GPC5: variants seen among roughly 807,000 people sequenced by gnomAD.
GPC5 encodes glypican-5.
In GPC5, 47 loss-of-function variants were observed where a neutral mutation model predicts 53.9. That is an observed-to-expected ratio of 0.87 (90% CI 0.69 to 1.11). The LOEUF (loss-of-function observed/expected upper bound fraction) is 1.11. Among genes scored for constraint, GPC5 ranks in the 50% most tolerant of loss-of-function variants. The pLI, the probability that GPC5 is intolerant of heterozygous loss-of-function variation, is 0.00. For missense variants in GPC5, 748 were observed against 713.1 expected, an observed-to-expected ratio of 1.05 and a Z score of -0.56; for synonymous variants, 286 against 263.3, an observed-to-expected ratio of 1.09 and a Z score of -0.84.
intron 7 of GPC5, among the ~76,000 whole-genome samples, chr13:92,213,813 G>T (rs2042391740): frequency 1.3e-5 from 2 of 152,106 alleles, no homozygotes; most frequent in Admixed American, 1.3e-4. Context: ...AGATAGATCT[G>T]ACTATATCTC....
chr13:91,467,695 C>A (rs58299899), intron 2 of GPC5, among the ~76,000 whole-genome samples: 97 of 152,170 alleles, frequency 6.4e-4, no homozygotes, highest in African/African-American at 2.3e-3. Flanking sequence ...TTTTAAAAAA[C>A]AATGCTACAT....
chr13:91,832,346 T>G (rs973538617), intron 5 of GPC5, among the ~76,000 whole-genome samples: 3 of 146,982 alleles, frequency 2.0e-5, no homozygotes, highest in Admixed American at 6.9e-5. Context: ...TAAATATTCC[T>G]CCGTCCCTTT....
intron 6 of GPC5, among the ~76,000 whole-genome samples, chr13:92,025,347 A>C (rs1170345254): frequency 6.6e-6 from 1 of 152,136 alleles, no homozygotes; most frequent in African/African-American, 2.4e-5. Context: ...CTCTCCCCCA[A>C]AACACTTCTG....
intron 7 of GPC5, among the ~76,000 whole-genome samples, chr13:92,464,103 A>G (rs1273795573): frequency 6.6e-6 from 1 of 152,218 alleles, no homozygotes; most frequent in East Asian, 1.9e-4. Flanking sequence ...ATGAGACTTA[A>G]GAAGGTTAAA....
At position 91,693,396 on chromosome 13, in the gene GPC5, A is replaced by C. The variant is rs1490715428; in HGVS notation, c.535A>C (p.Ile179Leu). Residue 179 changes from isoleucine to leucine, a missense_variant, in exon 3 of 8, where the codon ATT (isoleucine) becomes CTT (leucine). Physicochemically the swap from Ile to Leu is conservative, Grantham distance 5. Transcript: ENST00000377067. ...TTTTCCTCTGGTCTACAACCACCTC[A>C]TTAACCCTGGTGTGACTGACAGTTC... ...SLFPLVYNHL[I>L]NPGVTDSSLE... The C allele has an allele frequency of 6.2e-7, 1 of 1,614,100 alleles. No individual in the cohort carries two copies. The highest frequency in any genetic ancestry group is 8.5e-7 in the Non-Finnish European group (1 of 1,179,998).
rs917013002 is a variant in GPC5 at position 92,851,812 on chromosome 13, C to T, written c.1562-14470C>T. Among the ~76,000 whole-genome samples the T allele has an allele frequency of 5.4e-5, 8 of 148,074 alleles. No homozygotes were observed. In the East Asian group the frequency reaches 6.0e-4, roughly 11 times the overall value. ...GCTGAGGCAGGAGAATGGCGTGAAC[C>T]GGAAGGCAGAGCTTGCAGTGAGCCA... On this transcript the variant is annotated intron_variant, in intron 7 of 7. Coordinates refer to ENST00000377067, the MANE Select transcript of GPC5 (RefSeq NM_004466.6).
At chr13:92,665,002 T>C (rs977029569) in intron 7 of GPC5, among the ~76,000 whole-genome samples, 7 of 151,936 alleles carry the variant, frequency 4.6e-5, no homozygotes, top group Admixed American at 4.6e-4. Flanking sequence ...GATCAATAAA[T>C]ATTGTGTTAC....
intron 7 of GPC5, among the ~76,000 whole-genome samples, chr13:92,362,202 G>A (rs905832765): frequency 6.6e-5 from 10 of 151,492 alleles, no homozygotes; most frequent in Non-Finnish European, 1.5e-4. Context: ...TGTTTGTTGA[G>A]TTTGTGCATC....
At chr13:92,803,775 A>T (rs1876994094) in intron 7 of GPC5, among the ~76,000 whole-genome samples, 1 of 151,994 alleles carries the variant, frequency 6.6e-6, no homozygotes, top group African/African-American at 2.4e-5. Context: ...TCTCAAATTG[A>T]TAAGCGGATG....
chr13:92,584,596 G>A (rs1883475540), intron 7 of GPC5, among the ~76,000 whole-genome samples: 1 of 152,172 alleles, frequency 6.6e-6, no homozygotes, highest in Non-Finnish European at 1.5e-5. Flanking sequence ...ATTTTCTGAA[G>A]AGAAATTGAA....
rs139172978 is a variant in GPC5 at position 92,361,359 on chromosome 13, G to A, written c.1561+216370G>A. On this transcript the variant is annotated intron_variant, in intron 7 of 7. Transcript: ENST00000377067. ...TTCTATTGCTGTCTTACCTGGACCCGGTCATTTAGCTTGTCACTGACTTGG... is the reference window on the plus strand; with the variant it reads ...TTCTATTGCTGTCTTACCTGGACCCAGTCATTTAGCTTGTCACTGACTTGG... Among the ~76,000 whole-genome samples the A allele has an allele frequency of 9.2e-5, 14 of 151,636 alleles. No homozygotes were observed. The East Asian group carries it at 1.4e-3, about 15-fold the overall frequency.
At chr13:92,023,313 T>C (rs1444957192) in intron 6 of GPC5, among the ~76,000 whole-genome samples, 1 of 152,030 alleles carries the variant, frequency 6.6e-6, no homozygotes, top group Non-Finnish European at 1.5e-5. Flanking sequence ...AAAAGGATCC[T>C]AAAAATAATT....
At chr13:92,324,929 TA>T (rs2043240332) in intron 7 of GPC5, among the ~76,000 whole-genome samples, 1 of 151,932 alleles carries the variant, frequency 6.6e-6, no homozygotes, top group South Asian at 2.1e-4. Flanking sequence ...CTTAATATTC[TA>T]TAAAACAAAT....
chr13:92,608,382 C>T (rs1347130791), intron 7 of GPC5, among the ~76,000 whole-genome samples: 1 of 152,158 alleles, frequency 6.6e-6, no homozygotes, highest in Non-Finnish European at 1.5e-5. Context: ...GCTACTTCTT[C>T]CTCCACCCAT....
chr13:92,592,498 T>C (rs893112496), intron 7 of GPC5, among the ~76,000 whole-genome samples: 1 of 151,022 alleles, frequency 6.6e-6, no homozygotes, highest in Non-Finnish European at 1.5e-5. Flanking sequence ...GGGGATGGAG[T>C]GGTAAGGACC....
chr13:91,744,041 A>C (rs1481244398), intron 4 of GPC5, among the ~76,000 whole-genome samples: 1 of 1,384 alleles, frequency 7.2e-4, no homozygotes, highest in Non-Finnish European at 1.5e-3. Context: ...TATAAGGAAC[A>C]CTAACTTTGG....
intron 5 of GPC5, among the ~76,000 whole-genome samples, chr13:91,818,580 A>G (rs2038436526): frequency 6.6e-6 from 1 of 152,182 alleles, no homozygotes; most frequent in Non-Finnish European, 1.5e-5. Flanking sequence ...AAATAATAAA[A>G]TGCTGGGTCT....
chr13:92,814,338 A>C (rs1398838358), intron 7 of GPC5, among the ~76,000 whole-genome samples: 3 of 151,888 alleles, frequency 2.0e-5, no homozygotes, highest in Non-Finnish European at 4.4e-5. Flanking sequence ...AACAATAAAC[A>C]AACACCAAAA....
At chr13:92,369,384 G>A (rs2043632473) in intron 7 of GPC5, among the ~76,000 whole-genome samples, 1 of 152,102 alleles carries the variant, frequency 6.6e-6, no homozygotes, top group Non-Finnish European at 1.5e-5. Flanking sequence ...TGCCATGTTG[G>A]CCAGGCTGGT....
Sources: gnomAD v4.1 joint callset for allele counts (sites outside exome capture counted in the v4.1 genomes callset) on GRCh38, gnomAD v4.1.1 for gene constraint, MANE v1.5 for transcripts, NCBI Gene and HGNC (gene_info 2026-07-23, HGNC 2026-07-21) for gene names.